OXR1: variants seen among roughly 807,000 people sequenced by gnomAD.
The protein encoded by OXR1 is oxidation resistance 1, also known as oxidation resistance protein 1.
OXR1 carries 41 observed loss-of-function variants against 104.6 expected under a neutral mutation model. The ratio of observed to expected loss-of-function variants is 0.39; its 90% CI spans 0.31 to 0.51. The LOEUF (loss-of-function observed/expected upper bound fraction) is 0.51. Ranked by LOEUF, OXR1 falls within the 20% of genes least tolerant of loss-of-function variation. OXR1 has a pLI of 0.77. For missense variants in OXR1, 955 were observed against 1,031.9 expected (o/e 0.93, Z 1.02); for synonymous variants, 348 against 348.4 (o/e 1.00, Z 0.01).
intron 2 of OXR1, among the ~76,000 whole-genome samples, chr8:106,456,978 T>A (rs923410187): frequency 1.3e-5 from 2 of 152,224 alleles, no homozygotes; most frequent in Non-Finnish European, 2.9e-5. Flanking sequence ...GGCTAAGCCA[T>A]CTGAGTGGCA....
At chr8:106,387,490 G>C (rs969394805) in intron 2 of OXR1, among the ~76,000 whole-genome samples, 6 of 152,066 alleles carry the variant, frequency 3.9e-5, no homozygotes, top group African/African-American at 1.4e-4. Context: ...TTTTGAGATT[G>C]TTGGGTGTTT....
chr8:106,560,333 G>T (rs1347985207), intron 3 of OXR1, among the ~76,000 whole-genome samples: 1 of 152,166 alleles, frequency 6.6e-6, no homozygotes, highest in East Asian at 1.9e-4. Flanking sequence ...TGCCCTGTAA[G>T]CTGGGTAGGG....
chr8:106,602,641 A>G (rs972413581), intron 3 of OXR1, among the ~76,000 whole-genome samples: 6 of 152,212 alleles, frequency 3.9e-5, no homozygotes, highest in African/African-American at 1.2e-4. Flanking sequence ...TTACCAAATT[A>G]GAAGTTAGGT....
intron 2 of OXR1, among the ~76,000 whole-genome samples, chr8:106,425,226 T>C (rs926595606): frequency 6.6e-6 from 1 of 151,510 alleles, no homozygotes. Context: ...GCCTCTTTTT[T>C]CTTTTCTTTT....
intron 1 of OXR1, among the ~76,000 whole-genome samples, chr8:106,302,963 C>T (rs1040066733): frequency 1.3e-5 from 2 of 151,832 alleles, no homozygotes; most frequent in Admixed American, 6.6e-5. Context: ...CCGTGTTAGC[C>T]AGGATGGTCT....
At chr8:106,513,893 G>T (rs1035638018) in intron 2 of OXR1, among the ~76,000 whole-genome samples, 13 of 152,140 alleles carry the variant, frequency 8.5e-5, no homozygotes, top group Admixed American at 7.2e-4. Context: ...AAAGCACCCA[G>T]CATTGTTACC....
intron 3 of OXR1, chr8:106,658,146 C>A: frequency 8.0e-7 from 1 of 1,245,330 alleles, no homozygotes; most frequent in South Asian, 4.1e-5. Context: ...CGGGTCCCCG[C>A]CCCACCGGCC....
intron 7 of OXR1, chr8:106,697,989 A>G (rs1172335949): frequency 5.0e-6 from 8 of 1,613,030 alleles, no homozygotes; most frequent in Middle Eastern, 1.7e-4. Context: ...GGCTCAGGCC[A>G]TAATGCAGGT....
intron 11 of OXR1, among the ~76,000 whole-genome samples, chr8:106,714,373 G>C (rs1014879015): frequency 1.3e-5 from 2 of 151,952 alleles, no homozygotes; most frequent in African/African-American, 4.8e-5. Context: ...CATGGAGGAG[G>C]TACGGCAGTC....
intron 3 of OXR1, among the ~76,000 whole-genome samples, chr8:106,661,553 A>T (rs574267947): frequency 6.6e-6 from 1 of 152,366 alleles, no homozygotes; most frequent in Non-Finnish European, 1.5e-5. Flanking sequence ...CTCATAATGT[A>T]TAATCTTTAA....
intron 2 of OXR1, among the ~76,000 whole-genome samples, chr8:106,496,254 G>A (rs770462106): frequency 1.3e-5 from 2 of 152,068 alleles, no homozygotes; most frequent in African/African-American, 2.4e-5. Context: ...GTTCCAATCC[G>A]AGTGTTACTG....
chr8:106,370,545 T>C (rs972103275), intron 2 of OXR1, among the ~76,000 whole-genome samples: 1 of 152,174 alleles, frequency 6.6e-6, no homozygotes, highest in African/African-American at 2.4e-5. Context: ...TTGTCATAAA[T>C]GTTCTTATTA....
intron 1 of OXR1, among the ~76,000 whole-genome samples, chr8:106,274,141 G>C (rs184734075): frequency 8.5e-5 from 13 of 152,248 alleles, no homozygotes; most frequent in Non-Finnish European, 1.5e-4. Context: ...TAAGAATGTC[G>C]TATAATTTTC....
chr8:106,519,999 G>T (rs559923741), intron 3 of OXR1, among the ~76,000 whole-genome samples: 16 of 152,126 alleles, frequency 1.1e-4, no homozygotes, highest in African/African-American at 3.9e-4. Context: ...GTGTAGGGGA[G>T]ACAAATCCAC....
chr8:106,339,522 ATATAT>A lies in OXR1; in HGVS notation c.-138-19953_-138-19949del, dbSNP rs1442803202. 5.5e-3 allele frequency among the ~76,000 whole-genome samples: 106 copies of A among 19,250 alleles called. 1 individual carries two copies. Among genetic ancestry groups the A allele is most frequent in the African/African-American group, 7.8e-3 (35 of 4,472 alleles). The allele number at this position is 19,250 out of a possible 152,430, so 12.6% of individuals were successfully genotyped here. ...AAAAAAAAAAAAAAAAAAAAAAAATATATATATATATATATATATATATATATATA... is the reference window on the plus strand; with the variant it reads ...AAAAAAAAAAAAAAAAAAAAAAAATAATATATATATATATATATATATATA... On this transcript the variant is annotated intron_variant, in intron 1 of 16. Transcript: ENST00000517566.
intron 3 of OXR1, among the ~76,000 whole-genome samples, chr8:106,583,507 A>G (rs1195784573): frequency 6.6e-6 from 1 of 152,204 alleles, no homozygotes; most frequent in East Asian, 1.9e-4. Flanking sequence ...GATTAAATGC[A>G]ACCATTAAGG....
intron 3 of OXR1, among the ~76,000 whole-genome samples, chr8:106,622,957 C>A (rs564312679): frequency 6.6e-6 from 1 of 152,262 alleles, no homozygotes; most frequent in South Asian, 2.1e-4. Flanking sequence ...TCAATAGGTA[C>A]AATTATTACC....
chr8:106,348,313 A>G (rs955397561), intron 1 of OXR1, among the ~76,000 whole-genome samples: 4 of 152,146 alleles, frequency 2.6e-5, no homozygotes, highest in South Asian at 2.1e-4. Context: ...ACACACACGC[A>G]CACACCCCTA....
chr8:106,596,635 T>G (rs1293540023), intron 3 of OXR1, among the ~76,000 whole-genome samples: 1 of 152,142 alleles, frequency 6.6e-6, no homozygotes, highest in African/African-American at 2.4e-5. Context: ...AGAGTGGGCC[T>G]TGGTGACTTT....
Sources: allele counts gnomAD v4.1 joint callset (sites outside exome capture counted in the v4.1 genomes callset), GRCh38; gene constraint gnomAD v4.1.1; transcripts MANE v1.5; gene names NCBI Gene and HGNC (gene_info 2026-07-23, HGNC 2026-07-21).